SPSB1: variants seen among roughly 807,000 people sequenced by gnomAD.
SPSB1 encodes splA/ryanodine receptor domain and SOCS box containing 1, also known as SPRY domain-containing SOCS box protein 1.
Under a neutral mutation model 21.2 loss-of-function variants are expected in SPSB1, and 8 were observed. The observed-to-expected ratio is 0.38, with a 90% CI of 0.22 to 0.68. SPSB1 has a LOEUF of 0.68. Among genes scored for constraint, SPSB1 ranks in the 30% least tolerant of loss-of-function variants. The pLI, the probability that SPSB1 is intolerant of heterozygous loss-of-function variation, is 0.53. For synonymous variants in SPSB1, 169 were observed against 161.7 expected (o/e 1.05, Z -0.34); for missense variants, 242 against 377.8 (o/e 0.64, Z 2.98).
intron 1 of SPSB1, among the ~76,000 whole-genome samples, chr1:9,340,939 G>T (rs912993712): frequency 2.6e-5 from 4 of 152,192 alleles, no homozygotes; most frequent in Non-Finnish European, 4.4e-5. Flanking sequence ...GACTGGTCTA[G>T]CTCAAAAGGC....
At chr1:9,340,182 A>G (rs1640068288) in intron 1 of SPSB1, among the ~76,000 whole-genome samples, 1 of 152,126 alleles carries the variant, frequency 6.6e-6, no homozygotes, top group African/African-American at 2.4e-5. Flanking sequence ...ACTGTTCTCA[A>G]GAGAGGAGAC....
intron 2 of SPSB1, among the ~76,000 whole-genome samples, chr1:9,366,749 T>C (rs1640578694): frequency 6.6e-6 from 1 of 152,126 alleles, no homozygotes; most frequent in African/African-American, 2.4e-5. Context: ...AATTTTTGTA[T>C]TTTTAGTAGA....
chr1:9,340,137 C>T (rs1195077855), intron 1 of SPSB1, among the ~76,000 whole-genome samples: 1 of 152,216 alleles, frequency 6.6e-6, no homozygotes, highest in Admixed American at 6.5e-5. Context: ...GGGTGCAGGG[C>T]ACGCAGGGTG....
Position 9,346,997 on chromosome 1 carries a change from C to T in SPSB1, c.-149-8746C>T, listed in dbSNP as rs1640175404. 6.6e-6 allele frequency among the ~76,000 whole-genome samples: 1 copy of T among 152,186 alleles called. No homozygotes were observed. Among genetic ancestry groups the T allele is most frequent in the South Asian group, 2.1e-4 (1 of 4,832 alleles). On this transcript the variant is annotated intron_variant, in intron 1 of 2. Coordinates refer to ENST00000328089, the MANE Select transcript of SPSB1 (RefSeq NM_025106.4). The surrounding 1 kb of genome is among the most constrained non-coding windows in gnomAD (Gnocchi z 4.4). ...CTCTTCGGGATGGCCCCAAAGCTTC[C>T]CCAGGATTCTCATCCTTTATTTAAA...
Position 9,356,157 on chromosome 1 carries a change from G to T in SPSB1, c.266G>T (p.Gly89Val). 1 of 1,586,858 alleles carries T rather than the reference G, an allele frequency of 6.3e-7. No homozygotes were observed. The change falls in exon 2 of 3, where the codon GGC becomes GTC. Residue 89 changes from glycine (G) to valine (V), a missense_variant. Transcript: ENST00000328089. The surrounding 1 kb of genome is among the most constrained non-coding windows in gnomAD (Gnocchi z 7.4). The stretch of plus-strand genomic sequence containing the variant: ...GCCCAGAGCACGGACGCTATCAGGG[G>T]CAAAGTCGGGTATACCCGTGGGCTG... ...PVAQSTDAIRGKVGYTRGLHV... is the reference protein window; with the variant it reads ...PVAQSTDAIRVKVGYTRGLHV...
At chr1:9,316,435 G>A (rs909113721) in intron 1 of SPSB1, among the ~76,000 whole-genome samples, 6 of 152,190 alleles carry the variant, frequency 3.9e-5, no homozygotes, top group Non-Finnish European at 7.4e-5. Flanking sequence ...TCCCCACACG[G>A]GCTCAACCAG....
Position 9,367,806 on chromosome 1 carries a change from G to T in SPSB1, c.*231G>T. 1 of 624,458 alleles carries T rather than the reference G, an allele frequency of 1.6e-6. No individual in the cohort carries two copies. Among genetic ancestry groups the T allele is most frequent in the East Asian group, 2.8e-5 (1 of 35,290 alleles). 38.7% of individuals were successfully genotyped at this position (624,458 alleles called of 1,614,324 possible). On this transcript the variant is annotated 3_prime_UTR_variant, in exon 3 of 3. Coordinates refer to ENST00000328089, the MANE Select transcript of SPSB1 (RefSeq NM_025106.4). The surrounding 1 kb of genome is among the most constrained non-coding windows in gnomAD (Gnocchi z 5.9). ...GCAGAAGGCAGCATCCCTGCATGCC[G>T]TCCGTATACAACCCCTCTTTGAAAA...
At chr1:9,336,029 C>G (rs2100496765) in intron 1 of SPSB1, among the ~76,000 whole-genome samples, 1 of 152,332 alleles carries the variant, frequency 6.6e-6, no homozygotes, top group Non-Finnish European at 1.5e-5. Context: ...GTGCTGGGAA[C>G]CATAAGACTC....
chr1:9,343,865 A>G (rs631824), intron 1 of SPSB1, among the ~76,000 whole-genome samples: 1,986 of 152,176 alleles, frequency 0.013, 36 homozygotes, highest in Middle Eastern at 0.051. Context: ...GGCTCACTGA[A>G]AGCTCCGCCT....
intron 1 of SPSB1, among the ~76,000 whole-genome samples, chr1:9,303,409 C>CTT (rs760549478): frequency 6.6e-6 from 1 of 152,166 alleles, no homozygotes; most frequent in Non-Finnish European, 1.5e-5. Flanking sequence ...CAGCTCCAAC[C>CTT]ACGTGACCAG....
chr1:9,339,292 T>C, intron 1 of SPSB1: 1 of 985,378 alleles, frequency 1.0e-6, no homozygotes, highest in Non-Finnish European at 1.2e-6. Context: ...ACCCTGAGAA[T>C]GCTCACTGGC....
chr1:9,293,058 GC>G lies in SPSB1; in HGVS notation c.-162del. ...GCCTTGGAGAGCAGCGGCGGCGGCG[GC>G]ACCCCGGGCGCGGTAGGCGGCGCGG... On this transcript the variant is annotated 5_prime_UTR_variant, in exon 1 of 3. Transcript: ENST00000328089. This position sits in a 1 kb window ranked among gnomAD's most constrained non-coding sequence, Gnocchi z 5.1. 1 of 980,908 alleles carries G rather than the reference GC, an allele frequency of 1.0e-6. No individual in the cohort carries two copies. The highest frequency in any genetic ancestry group is 1.2e-6 in the Non-Finnish European group (1 of 827,166). 60.8% of individuals were successfully genotyped at this position (980,908 alleles called of 1,614,324 possible).
chr1:9,351,150 G>T (rs1236329671), intron 1 of SPSB1, among the ~76,000 whole-genome samples: 1 of 152,230 alleles, frequency 6.6e-6, no homozygotes, highest in Non-Finnish European at 1.5e-5. Flanking sequence ...AAGTTTTATT[G>T]AAACACATTC....
chr1:9,361,618 C>T (rs537321150), intron 2 of SPSB1, among the ~76,000 whole-genome samples: 3 of 152,354 alleles, frequency 2.0e-5, no homozygotes, highest in African/African-American at 4.8e-5. Flanking sequence ...GAGTTCTCGA[C>T]GTTTCCCTGT....
At position 9,347,643 on chromosome 1, in the gene SPSB1, T is replaced by C. The variant is rs149145688; in HGVS notation, c.-149-8100T>C. ...TGCGACAGCATCGTGTTACATTTTC[T>C]GTTACGTCACCACTTTGGAGGGGCT... On this transcript the variant is annotated intron_variant, in intron 1 of 2. Coordinates refer to ENST00000328089, the MANE Select transcript of SPSB1 (RefSeq NM_025106.4). 4.9e-4 allele frequency among the ~76,000 whole-genome samples: 75 copies of C among 152,368 alleles called. 1 individual carries two copies. The highest frequency in any genetic ancestry group is 3.4e-3 in the Middle Eastern group (1 of 294).
chr1:9,301,282 G>A (rs1639323751), intron 1 of SPSB1, among the ~76,000 whole-genome samples: 1 of 152,180 alleles, frequency 6.6e-6, no homozygotes, highest in Admixed American at 6.5e-5. Flanking sequence ...TTGAGCCCAA[G>A]GAGTTCGAGA....
chr1:9,297,804 T>C (rs1306454832), intron 1 of SPSB1, among the ~76,000 whole-genome samples: 1 of 152,118 alleles, frequency 6.6e-6, no homozygotes, highest in African/African-American at 2.4e-5. Flanking sequence ...ATTCAAAGGC[T>C]TAGGGACATT....
chr1:9,303,447 G>A (rs1424266555), intron 1 of SPSB1, among the ~76,000 whole-genome samples: 1 of 152,238 alleles, frequency 6.6e-6, no homozygotes, highest in Non-Finnish European at 1.5e-5. Flanking sequence ...AGAATTGCTG[G>A]GAGTATTTCC....
intron 1 of SPSB1, among the ~76,000 whole-genome samples, chr1:9,344,365 G>A (rs1640138417): frequency 6.6e-6 from 1 of 152,210 alleles, no homozygotes; most frequent in African/African-American, 2.4e-5. Flanking sequence ...AACCACTCCT[G>A]TAAAACAGGG....
Sources: allele counts gnomAD v4.1 joint callset (sites outside exome capture counted in the v4.1 genomes callset), GRCh38; gene constraint gnomAD v4.1.1; non-coding constraint Gnocchi (gnomAD v3.1); transcripts MANE v1.5; gene names NCBI Gene and HGNC (gene_info 2026-07-23, HGNC 2026-07-21).